Variants in BIN1 observed in about 807,000 individuals in gnomAD.
BIN1 encodes the protein myc box-dependent-interacting protein 1.
A neutral mutation model predicts 82.0 loss-of-function variants in BIN1; 53 were observed. That is an observed-to-expected ratio of 0.65 (90% CI 0.52 to 0.81). The LOEUF is 0.81. BIN1 is among the 40% of genes least tolerant of loss of function. The pLI is 0.00. For synonymous variants in BIN1, 302 were observed against 328.0 expected (o/e 0.92, Z 0.86); for missense variants, 642 against 784.4 (o/e 0.82, Z 2.17).
intron 7 of BIN1, among the ~76,000 whole-genome samples, chr2:127,064,500 A>C (rs1684901728): frequency 6.6e-6 from 1 of 151,670 alleles, no homozygotes; most frequent in African/African-American, 2.4e-5. Flanking sequence ...CTCCCTCCCC[A>C]TTTCTGAGGG....
intron 10 of BIN1, among the ~76,000 whole-genome samples, chr2:127,060,192 C>A (rs576529343): frequency 3.9e-5 from 6 of 152,160 alleles, no homozygotes; most frequent in Non-Finnish European, 8.8e-5. Flanking sequence ...GGAATGTATT[C>A]TCCTTAAAGA....
intron 2 of BIN1, 107 bp from the exon 3 acceptor site, chr2:127,070,923 C>G: frequency 2.7e-6 from 3 of 1,125,852 alleles, no homozygotes; most frequent in African/African-American, 1.6e-5. Context: ...GCTCTCCTGA[C>G]AGCAGCCACT....
intron 16 of BIN1, 85 bp from the exon 17 acceptor site, chr2:127,050,997 G>C: frequency 6.6e-7 from 1 of 1,515,112 alleles, no homozygotes; most frequent in Non-Finnish European, 9.2e-7. Flanking sequence ...GCGGGGAGGG[G>C]AGAAAGGTGT....
intron 9 of BIN1, among the ~76,000 whole-genome samples, chr2:127,063,072 T>C (rs1285961705): frequency 1.3e-5 from 2 of 152,218 alleles, no homozygotes; most frequent in Non-Finnish European, 2.9e-5. Context: ...AGTTGCCAGA[T>C]AGGTTAAAAT....
intron 13 of BIN1, 198 bp from the exon 14 acceptor site, chr2:127,053,643 C>A: frequency 1.3e-6 from 1 of 781,844 alleles, no homozygotes; most frequent in Non-Finnish European, 2.2e-6. Context: ...TTCAAGACCC[C>A]AAGCCAGGAT....
intron 1 of BIN1, among the ~76,000 whole-genome samples, chr2:127,077,050 C>T (rs961134856): frequency 6.6e-6 from 1 of 152,186 alleles, no homozygotes; most frequent in Non-Finnish European, 1.5e-5. Context: ...GGTGCTCCGC[C>T]CCCACCCTGG....
At chr2:127,055,691 G>A (rs1683561656) in intron 12 of BIN1, 1 of 152,256 alleles carries the variant, frequency 6.6e-6, no homozygotes, top group Non-Finnish European at 1.5e-5. Context: ...GTGCTGAGGG[G>A]AGGGTCATCC....
At chr2:127,104,479 G>C (rs1162573732) in intron 1 of BIN1, among the ~76,000 whole-genome samples, 1 of 152,118 alleles carries the variant, frequency 6.6e-6, no homozygotes, top group Non-Finnish European at 1.5e-5. Flanking sequence ...GCAAGATACG[G>C]GCCCTTCTTC....
intron 18 of BIN1, among the ~76,000 whole-genome samples, chr2:127,049,948 G>A (rs1436634095): frequency 6.6e-6 from 1 of 152,248 alleles, no homozygotes; most frequent in Non-Finnish European, 1.5e-5. Flanking sequence ...GCACAGGGCA[G>A]GGCCCGCCTC....
At chr2:127,065,021 G>A in intron 7 of BIN1, 1 of 152,454 alleles carries the variant, frequency 6.6e-6, no homozygotes, top group Non-Finnish European at 1.5e-5. Context: ...TCAGGCCGGG[G>A]CTGGGGCCCA....
chr2:127,058,902 G>T, intron 11 of BIN1, 109 bp downstream of exon 11: 1 of 1,479,300 alleles, frequency 6.8e-7, no homozygotes, highest in Non-Finnish European at 9.1e-7. Context: ...CGGGTCCATA[G>T]CTGCCCAGGC....
chr2:127,105,790 C>G (rs978717772), intron 1 of BIN1, among the ~76,000 whole-genome samples: 7 of 152,236 alleles, frequency 4.6e-5, no homozygotes, highest in African/African-American at 1.7e-4. Flanking sequence ...TGCGCCTCCA[C>G]CCGGCGGCCG....
At position 127,067,541 on chromosome 2, in the gene BIN1, A is replaced by G. The variant is rs3768859; in HGVS notation, c.612+622T>C. Among the ~76,000 whole-genome samples, 53,480 of 152,006 alleles carry G rather than the reference A, an allele frequency of 0.35. 9,747 individuals are homozygous for G. The highest frequency in any genetic ancestry group is 0.52 in the South Asian group (2,497 of 4,824). Reference sequence around the variant, plus strand: ...TGCCCTCCATGAATCCCCAAAGGCCAAGGACCCATGCTTCCCCTCCACGTC... The same window carrying G: ...TGCCCTCCATGAATCCCCAAAGGCCGAGGACCCATGCTTCCCCTCCACGTC... On this transcript the variant is annotated intron_variant, in intron 7 of 18. Transcript: ENST00000316724. The surrounding 1 kb of genome is among the most constrained non-coding windows in gnomAD (Gnocchi z 4.7).
chr2:127,100,258 A>T (rs919643155), intron 1 of BIN1, among the ~76,000 whole-genome samples: 6 of 152,172 alleles, frequency 3.9e-5, no homozygotes, highest in Admixed American at 3.9e-4. Context: ...ATCACCCCAG[A>T]GTCTACCACA....
Position 127,052,304 on chromosome 2 carries a change from G to T in BIN1, c.1322C>A (p.Thr441Asn). The change falls in exon 15 of 19, where the codon ACC becomes AAC. Residue 441 changes from threonine to asparagine, a missense_variant. Physicochemically the swap from Thr to Asn is moderately conservative, Grantham distance 65. Coordinates refer to ENST00000316724, the MANE Select transcript of BIN1 (RefSeq NM_139343.3). ...CTGGCTGGGCCAGGACACAGCAAAG[G>T]TGCCCTCGGCAGCGCTGGGCTCCCC... Reference protein sequence around the residue: ...PSGEPSAAEGTFAVSWPSQTA... With the variant: ...PSGEPSAAEGNFAVSWPSQTA... 6.3e-7 allele frequency: 1 copy of T among 1,587,536 alleles called. No homozygotes were observed. The highest frequency in any genetic ancestry group is 1.1e-5 in the South Asian group (1 of 87,100).
intron 1 of BIN1, among the ~76,000 whole-genome samples, chr2:127,094,154 C>T (rs867424623): frequency 6.6e-6 from 1 of 152,218 alleles, no homozygotes; most frequent in African/African-American, 2.4e-5. Flanking sequence ...AAAGGGGACA[C>T]TGAAACTTGG....
intron 1 of BIN1, among the ~76,000 whole-genome samples, chr2:127,101,591 C>A (rs1032666944): frequency 6.6e-6 from 1 of 152,178 alleles, no homozygotes; most frequent in Non-Finnish European, 1.5e-5. Context: ...ACTCCTGGGT[C>A]CCCACTCCCT....
At chr2:127,079,583 A>G (rs1016961221) in intron 1 of BIN1, among the ~76,000 whole-genome samples, 2 of 152,226 alleles carry the variant, frequency 1.3e-5, no homozygotes, top group African/African-American at 4.8e-5. Context: ...ATCACTGTGA[A>G]CTGTCCCTGA....
rs191136522 is a variant in BIN1 at position 127,048,248 on chromosome 2, G to A, written c.*278C>T. ...TCGGCAGCCCCCAGCCCCGCCCTGC[G>A]GCCAGGCACACATGCGGGCACAGGC... On this transcript the variant is annotated 3_prime_UTR_variant, in exon 19 of 19. Coordinates refer to ENST00000316724, the MANE Select transcript of BIN1 (RefSeq NM_139343.3). 8.0e-5 allele frequency: 36 copies of A among 451,630 alleles called. No individual in the cohort carries two copies. The highest frequency in any genetic ancestry group is 4.5e-5 in the East Asian group (1 of 22,340). The allele number at this position is 451,630 out of a possible 1,614,324, so 28.0% of individuals were successfully genotyped here.
Sources: allele counts gnomAD v4.1 joint callset (sites outside exome capture counted in the v4.1 genomes callset), GRCh38; gene constraint gnomAD v4.1.1; non-coding constraint Gnocchi (gnomAD v3.1); transcripts MANE v1.5; gene names NCBI Gene and HGNC (gene_info 2026-07-23, HGNC 2026-07-21).